Variants in NAALADL2 observed in about 807,000 individuals in gnomAD.
The protein encoded by NAALADL2 is inactive N-acetylated-alpha-linked acidic dipeptidase-like protein 2.
NAALADL2 carries 76 observed loss-of-function variants against 87.2 expected under a neutral mutation model. That is an observed-to-expected ratio of 0.87 (90% CI 0.72 to 1.05). The LOEUF (loss-of-function observed/expected upper bound fraction) is 1.05. NAALADL2 is among the 50% of genes least tolerant of loss of function. The probability of loss-of-function intolerance (pLI) is 0.00; values close to 1 mark genes in which losing one functional copy is unlikely to be tolerated. For synonymous variants in NAALADL2, 354 were observed against 331.0 expected, an observed-to-expected ratio of 1.07 and a Z score of -0.75; for missense variants, 1,089 against 945.8, an observed-to-expected ratio of 1.15 and a Z score of -1.99.
chr3:175,550,034 A>G (rs1203351862), intron 9 of NAALADL2, among the ~76,000 whole-genome samples: 1 of 152,108 alleles, frequency 6.6e-6, no homozygotes, highest in Non-Finnish European at 1.5e-5. Context: ...ATGTGACAAG[A>G]CAAAGAAAAA....
chr3:175,581,216 A>G, intron 10 of NAALADL2: 2 of 331,206 alleles, frequency 6.0e-6, no homozygotes, highest in South Asian at 2.4e-5. Context: ...CTGAGGCGGG[A>G]GGATCACCGG....
chr3:174,652,061 C>T (rs900205934), intron 2 of NAALADL2, among the ~76,000 whole-genome samples: 2 of 152,140 alleles, frequency 1.3e-5, no homozygotes, highest in African/African-American at 4.8e-5. Flanking sequence ...AAAGAAAGTT[C>T]AGCAAAGCTG....
intron 1 of NAALADL2, among the ~76,000 whole-genome samples, chr3:174,898,589 C>T (rs1233153912): frequency 6.6e-6 from 1 of 151,824 alleles, no homozygotes; most frequent in Non-Finnish European, 1.5e-5. Context: ...CAATTGCGTG[C>T]TTGTGTTAAG....
chr3:175,559,947 C>G (rs1449645585), intron 9 of NAALADL2, among the ~76,000 whole-genome samples: 1 of 152,072 alleles, frequency 6.6e-6, no homozygotes, highest in African/African-American at 2.4e-5. Flanking sequence ...TAATATTGGC[C>G]TCATATAATG....
chr3:174,683,900 A>G (rs999677018), intron 2 of NAALADL2, among the ~76,000 whole-genome samples: 2 of 152,034 alleles, frequency 1.3e-5, no homozygotes, highest in African/African-American at 4.8e-5. Flanking sequence ...GCTGTTTAAA[A>G]TAGCTTAGGT....
At chr3:175,766,200 T>C (rs949049767) in intron 13 of NAALADL2, among the ~76,000 whole-genome samples, 6 of 152,168 alleles carry the variant, frequency 3.9e-5, no homozygotes, top group Non-Finnish European at 8.8e-5. Flanking sequence ...TAAAATTATC[T>C]TGTCTCAAAA....
intron 1 of NAALADL2, among the ~76,000 whole-genome samples, chr3:175,085,056 G>C (rs9818422): frequency 0.24 from 35,955 of 152,042 alleles, 4,346 homozygotes; most frequent in East Asian, 0.33. Context: ...GCTTGATTTT[G>C]GGGAAGTTGA....
intron 2 of NAALADL2, among the ~76,000 whole-genome samples, chr3:175,161,855 G>A (rs138158653): frequency 1.8e-4 from 28 of 152,056 alleles, no homozygotes; most frequent in African/African-American, 6.5e-4. Flanking sequence ...TCATTCTGAT[G>A]GTGTCTGTAT....
chr3:175,538,005 A>C (rs1711565385), intron 9 of NAALADL2, among the ~76,000 whole-genome samples: 1 of 152,214 alleles, frequency 6.6e-6, no homozygotes, highest in Admixed American at 6.5e-5. Flanking sequence ...CTTAAGACAC[A>C]AATTGTGATT....
intron 3 of NAALADL2, among the ~76,000 whole-genome samples, chr3:174,818,213 C>T (rs1045289834): frequency 6.6e-6 from 1 of 152,042 alleles, no homozygotes; most frequent in Non-Finnish European, 1.5e-5. Flanking sequence ...ATCTTTGCAG[C>T]CAAATAGGGG....
At chr3:175,064,514 T>C (rs1714184266) in intron 1 of NAALADL2, among the ~76,000 whole-genome samples, 1 of 135,840 alleles carries the variant, frequency 7.4e-6, no homozygotes, top group Admixed American at 7.0e-5. Flanking sequence ...GATGAAACAG[T>C]CTGAAAGGAG....
At chr3:174,852,156 C>A (rs1400067551) in intron 3 of NAALADL2, among the ~76,000 whole-genome samples, 1 of 151,936 alleles carries the variant, frequency 6.6e-6, no homozygotes, top group Non-Finnish European at 1.5e-5. Flanking sequence ...TTCTAAGATC[C>A]AGAATAAGAG....
At chr3:175,398,924 A>G (rs80188360) in intron 5 of NAALADL2, among the ~76,000 whole-genome samples, 4,655 of 152,090 alleles carry the variant, frequency 0.031, 232 homozygotes, top group African/African-American at 0.11. Flanking sequence ...CAAAGCAAAA[A>G]CAAGTTTATT....
chr3:174,452,948 CAG>C (rs1715584216), intron 1 of NAALADL2, among the ~76,000 whole-genome samples: 1 of 152,008 alleles, frequency 6.6e-6, no homozygotes, highest in Non-Finnish European at 1.5e-5. Flanking sequence ...ACTGACGTGA[CAG>C]AAATAGAATT....
intron 2 of NAALADL2, among the ~76,000 whole-genome samples, chr3:174,682,633 T>C (rs1238407298): frequency 1.3e-5 from 2 of 152,204 alleles, no homozygotes; most frequent in African/African-American, 2.4e-5. Flanking sequence ...CTGCAACTTA[T>C]CCAAGACCAC....
chr3:175,078,391 T>C (rs1717051394), intron 1 of NAALADL2, among the ~76,000 whole-genome samples: 1 of 152,002 alleles, frequency 6.6e-6, no homozygotes, highest in African/African-American at 2.4e-5. Flanking sequence ...GCAGCAATAA[T>C]AAGAGTATGT....
intron 2 of NAALADL2, among the ~76,000 whole-genome samples, chr3:174,569,469 T>G (rs1214641462): frequency 6.6e-6 from 1 of 152,114 alleles, no homozygotes; most frequent in African/African-American, 2.4e-5. Flanking sequence ...ACAGCTGTTT[T>G]ACAATCTTTA....
chr3:175,253,148 C>G (rs1283002570), intron 3 of NAALADL2, among the ~76,000 whole-genome samples: 1 of 152,190 alleles, frequency 6.6e-6, no homozygotes, highest in Non-Finnish European at 1.5e-5. Context: ...CTAATACATT[C>G]ATAGCTAGAG....
chr3:174,567,151 G>A (rs149628899), intron 2 of NAALADL2, among the ~76,000 whole-genome samples: 189 of 151,668 alleles, frequency 1.2e-3, no homozygotes, highest in African/African-American at 4.4e-3. Context: ...TACATCTTCA[G>A]AGATGATAAT....
Sources: allele counts gnomAD v4.1 joint callset (sites outside exome capture counted in the v4.1 genomes callset), GRCh38; gene constraint gnomAD v4.1.1; transcripts MANE v1.5; gene names NCBI Gene and HGNC (gene_info 2026-07-23, HGNC 2026-07-21).